E2F2: variants seen among roughly 807,000 people sequenced by gnomAD.
The protein encoded by E2F2 is E2F transcription factor 2, also known as transcription factor E2F2.
In E2F2, 22 loss-of-function variants were observed where a neutral mutation model predicts 42.2. That is an observed-to-expected ratio of 0.52 (90% confidence interval 0.37 to 0.74). The LOEUF (loss-of-function observed/expected upper bound fraction) is 0.74. Ranked by LOEUF, E2F2 falls within the 30% of genes least tolerant of loss-of-function variation. The pLI, the probability that E2F2 is intolerant of heterozygous loss-of-function variation, is 0.00. For missense variants in E2F2, 481 were observed against 557.8 expected (o/e 0.86, Z 1.39); for synonymous variants, 248 against 251.6 (o/e 0.99, Z 0.13).
intron 6 of E2F2, among the ~76,000 whole-genome samples, chr1:23,514,481 T>G (rs537702812): frequency 1.3e-5 from 2 of 152,280 alleles, no homozygotes; most frequent in East Asian, 3.9e-4. Flanking sequence ...GGGAAGCCAC[T>G]TGCCCTCTCT....
intron 5 of E2F2, 83 bp from the exon 6 acceptor site, chr1:23,516,610 G>T: frequency 8.4e-7 from 1 of 1,183,922 alleles, no homozygotes; most frequent in Non-Finnish European, 1.2e-6. Context: ...GCACGTGGCT[G>T]CTGCCATCCA....
rs1327563698 is a variant in E2F2, at chr1:23,509,062, G to A, written c.*818C>T. 1 of 152,122 alleles carries A rather than the reference G, an allele frequency of 6.6e-6. No homozygotes were observed. The highest frequency in any genetic ancestry group is 2.4e-5 in the African/African-American group (1 of 41,400). The allele number at this position is 152,122 out of a possible 1,614,324, so 9.4% of individuals were successfully genotyped here. A position where few individuals can be genotyped will look rare whatever the true frequency, so the allele number is the denominator to read the frequency against. On this transcript the variant is annotated 3_prime_UTR_variant, in exon 7 of 7. Transcript: ENST00000361729. ...GCTGGACCATTTTTACATCTCAAGG[G>A]GAGAGGTAAGGACTTCCTCAGGAAA... is the stretch of plus-strand genomic sequence containing the variant.
chr1:23,530,404 G>C lies in E2F2; in HGVS notation c.252+138C>G. 8.3e-7 allele frequency: 1 copy of C among 1,205,342 alleles called. No individual in the cohort carries two copies. Among genetic ancestry groups the C allele is most frequent in the Non-Finnish European group, 1.1e-6 (1 of 884,754 alleles). 74.7% of individuals were successfully genotyped at this position (1,205,342 alleles called of 1,614,324 possible). A position where few individuals can be genotyped will look rare whatever the true frequency, so the allele number is the denominator to read the frequency against. Reference sequence around the variant, plus strand: ...TTCTACTCAGATATTGGGGGCACTGGGTCCTGGAAACTGAAAGCTCATCTT... The same window carrying C: ...TTCTACTCAGATATTGGGGGCACTGCGTCCTGGAAACTGAAAGCTCATCTT... On this transcript the variant is annotated intron_variant, in intron 1 of 6. Transcript: ENST00000361729. This position sits in a 1 kb window ranked among gnomAD's most constrained non-coding sequence, Gnocchi z 4.4.
Position 23,530,622 on chromosome 1 carries a change from C to G in E2F2, c.172G>C (p.Ala58Pro). The change falls in exon 1 of 7, where the codon GCG (alanine) becomes CCG (proline). Residue 58 changes from alanine to proline, a missense_variant. Transcript: ENST00000361729. The surrounding 1 kb of genome is among the most constrained non-coding windows in gnomAD (Gnocchi z 4.4). Reference sequence around the variant, plus strand: ...GTGGCGTCGAGGCAGGTGCCTGGCGCCGCTGCGGGAGGCGCCGTCTGCGGG... The same window carrying G: ...GTGGCGTCGAGGCAGGTGCCTGGCGGCGCTGCGGGAGGCGCCGTCTGCGGG... ...LYPQTAPPAAAPGTCLDATPH... is the reference protein window; with the variant it reads ...LYPQTAPPAAPPGTCLDATPH... 1 of 1,613,164 alleles carries G rather than the reference C, an allele frequency of 6.2e-7. No individual in the cohort carries two copies. Among genetic ancestry groups the G allele is most frequent in the Non-Finnish European group, 8.5e-7 (1 of 1,179,784 alleles).
chr1:23,524,074 C>G (rs1395806024), intron 2 of E2F2, among the ~76,000 whole-genome samples: 1 of 81,830 alleles, frequency 1.2e-5, no homozygotes, highest in African/African-American at 3.9e-5. Flanking sequence ...ACCTGTCTCA[C>G]AACAACAACA....
intron 1 of E2F2, among the ~76,000 whole-genome samples, chr1:23,529,056 A>G (rs958694345): frequency 3.3e-5 from 5 of 152,156 alleles, no homozygotes; most frequent in Admixed American, 2.0e-4. Context: ...TCTACAAAAA[A>G]TAAAAAATAA....
chr1:23,516,560 T>C (rs1204096466), intron 5 of E2F2, 33 bp from the exon 6 acceptor site: 4 of 1,554,686 alleles, frequency 2.6e-6, no homozygotes, highest in Non-Finnish European at 3.5e-6. Flanking sequence ...GTCATTGCTC[T>C]GGGCAGCTGG....
rs751344677 is a variant in E2F2 at position 23,509,906 on chromosome 1, C to T, written c.1288G>A (p.Asp430Asn). 6.4e-6 allele frequency: 10 copies of T among 1,573,252 alleles called. No individual in the cohort carries two copies. In the East Asian group the frequency reaches 1.1e-4, roughly 18 times the overall value. ...EGISDLFDSY[D>N]LGDLLIN ...CAATTAATCAACAGGTCCCCAAGGT[C>T]GTAGGAGTCGAAGAGATCGCTGATG... Residue 430 changes from aspartate to asparagine, a missense_variant, in exon 7 of 7, where the codon GAC becomes AAC. Coordinates refer to ENST00000361729, the MANE Select transcript of E2F2 (RefSeq NM_004091.4).
rs753553818 is a variant in E2F2, at chr1:23,530,692, G to C, written c.102C>G (p.Ser34Arg). 6.8e-6 allele frequency: 11 copies of C among 1,612,268 alleles called. No homozygotes were observed. The highest frequency in any genetic ancestry group is 8.5e-6 in the Non-Finnish European group (10 of 1,179,464). ...TAGCAGTAGCTGGGCAGAGCTGGGG[G>C]CTGCTGAGGCCGGATGGCCACAGCT... ...PTELWPSGLS[S>R]PQLCPATATY... The change falls in exon 1 of 7, where the codon AGC becomes AGG. Residue 34 changes from serine to arginine, a missense_variant. Physicochemically the swap from Ser to Arg is moderately radical, Grantham distance 110 (BLOSUM62 -1). Transcript: ENST00000361729. This position sits in a 1 kb window ranked among gnomAD's most constrained non-coding sequence, Gnocchi z 4.4.
chr1:23,514,885 A>C (rs1261154806), intron 6 of E2F2, among the ~76,000 whole-genome samples: 1 of 150,574 alleles, frequency 6.6e-6, no homozygotes, highest in African/African-American at 2.4e-5. Context: ...TTTGTGGGAC[A>C]CTTGTGGTCT....
chr1:23,529,439 C>A (rs1643303181), intron 1 of E2F2, among the ~76,000 whole-genome samples: 1 of 152,122 alleles, frequency 6.6e-6, no homozygotes, highest in East Asian at 1.9e-4. Flanking sequence ...GGCATCCGTG[C>A]TTGCTGACTA....
chr1:23,513,725 G>T (rs1642960909), intron 6 of E2F2, among the ~76,000 whole-genome samples: 2 of 151,818 alleles, frequency 1.3e-5, no homozygotes, highest in Non-Finnish European at 2.9e-5. Flanking sequence ...ATGTGACAAG[G>T]GTCGTGGGGA....
In E2F2 at chr1:23,513,562, ATGTGTGTGTGTGTG is replaced by A. The variant is rs71023281; in HGVS notation, c.1045+2759_1045+2772del. 3.8e-3 allele frequency among the ~76,000 whole-genome samples: 508 copies of A among 135,276 alleles called. 6 individuals are homozygous for A. The highest frequency in any genetic ancestry group is 4.7e-3 in the Non-Finnish European group (300 of 63,176). The allele number at this position is 135,276 out of a possible 152,430, so 88.7% of individuals were successfully genotyped here. ...ACTATTTCAGAACACAGCACGGAAC[ATGTGTGTGTGTGTG>A]TGTGTGTGTGTGTGTGTGTGTGTGT... On this transcript the variant is annotated intron_variant, in intron 6 of 6. Coordinates refer to ENST00000361729, the MANE Select transcript of E2F2 (RefSeq NM_004091.4).
chr1:23,523,155 ATT>A (rs34433615), intron 2 of E2F2, among the ~76,000 whole-genome samples: 2 of 143,242 alleles, frequency 1.4e-5, no homozygotes. Flanking sequence ...TCTAACCAGG[ATT>A]TTTTTTTTTT....
At chr1:23,505,244 A>C (rs1264347266), downstream of E2F2, among the ~76,000 whole-genome samples, 3 of 152,210 alleles carry the variant, frequency 2.0e-5, no homozygotes, top group African/African-American at 7.2e-5. Context: ...ACCATGCAAA[A>C]GGGTTAGAAC....
At chr1:23,505,812 C>CTT (rs539601792), downstream of E2F2, among the ~76,000 whole-genome samples, 2 of 149,962 alleles carry the variant, frequency 1.3e-5, no homozygotes, top group African/African-American at 2.5e-5. Flanking sequence ...TGCACCTGGC[C>CTT]TTTTTTTTTG....
intron 6 of E2F2, among the ~76,000 whole-genome samples, chr1:23,513,482 G>C (rs1642951453): frequency 2.0e-5 from 3 of 152,040 alleles, no homozygotes; most frequent in African/African-American, 7.2e-5. Context: ...CAGGTCCCAA[G>C]ACTGTAGTGG....
At chr1:23,515,471 GCT>G (rs1179912816) in intron 6 of E2F2, among the ~76,000 whole-genome samples, 2 of 152,108 alleles carry the variant, frequency 1.3e-5, no homozygotes, top group Non-Finnish European at 2.9e-5. Flanking sequence ...TCAAGACACA[GCT>G]CTGTTGCCTC....
At chr1:23,510,478 C>A (rs979287073) in intron 6 of E2F2, among the ~76,000 whole-genome samples, 2 of 152,116 alleles carry the variant, frequency 1.3e-5, no homozygotes, top group Admixed American at 6.6e-5. Context: ...GCATGCACCA[C>A]CACACCCAGC....
Sources: gnomAD v4.1 joint callset for allele counts (sites outside exome capture counted in the v4.1 genomes callset) on GRCh38, gnomAD v4.1.1 for gene constraint, Gnocchi (gnomAD v3.1) non-coding constraint, MANE v1.5 for transcripts, NCBI Gene and HGNC (gene_info 2026-07-23, HGNC 2026-07-21) for gene names.